ABL1: variants seen among roughly 807,000 people sequenced by gnomAD.
The protein encoded by ABL1 is tyrosine-protein kinase ABL1.
A neutral mutation model predicts 94.7 loss-of-function variants in ABL1; 11 were observed. The ratio of observed to expected loss-of-function variants is 0.12; its 90% confidence interval spans 0.07 to 0.19. The LOEUF (loss-of-function observed/expected upper bound fraction) is 0.19, where lower values mean the gene tolerates loss of function less well. Among genes scored for constraint, ABL1 ranks in the 10% least tolerant of loss-of-function variants. The pLI, the probability that ABL1 is intolerant of heterozygous loss-of-function variation, is 1.00. For synonymous variants in ABL1, 656 were observed against 622.4 expected (o/e 1.05, Z -0.80); for missense variants, 1,082 against 1,489.4 (o/e 0.73, Z 4.50).
intron 1 of ABL1, among the ~76,000 whole-genome samples, chr9:130,729,702 G>A (rs1831636739): frequency 6.6e-6 from 1 of 151,728 alleles, no homozygotes; most frequent in African/African-American, 2.4e-5. Flanking sequence ...CACTTTTACT[G>A]CATTATGGAC....
At chr9:130,845,985 T>TC (rs1478110451) in intron 1 of ABL1, among the ~76,000 whole-genome samples, 1 of 152,080 alleles carries the variant, frequency 6.6e-6, no homozygotes, top group Non-Finnish European at 1.5e-5. Flanking sequence ...TTTACGTCTT[T>TC]CCCCCACTGC....
chr9:130,797,111 C>T (rs1348388827), intron 1 of ABL1, among the ~76,000 whole-genome samples: 1 of 151,002 alleles, frequency 6.6e-6, no homozygotes, highest in Admixed American at 6.6e-5. Context: ...TGGCAAGCGC[C>T]TGTAATCCCA....
chr9:130,848,419 G>A (rs896645332), intron 1 of ABL1, among the ~76,000 whole-genome samples: 5 of 150,302 alleles, frequency 3.3e-5, no homozygotes, highest in Admixed American at 6.6e-5. Context: ...TCAGGAGGCT[G>A]AGGCAGGAGA....
rs34885770 is a variant in ABL1, at chr9:130,824,199, A to G, written c.137-29865A>G. Among the ~76,000 whole-genome samples the G allele has an allele frequency of 2.5e-3, 380 of 152,308 alleles. 2 individuals carry two copies. Among genetic ancestry groups the G allele is most frequent in the African/African-American group, 8.9e-3 (371 of 41,560 alleles). ...TCTGCTCTCTGCCAGATGGAGACCC[A>G]GGAAAGCTGCTGGTGTAGTTTGAAG... On this transcript the variant is annotated intron_variant, in intron 1 of 10. Coordinates refer to the ABL1 transcript ENST00000372348.
At chr9:130,778,019 T>G (rs1829691535) in intron 1 of ABL1, among the ~76,000 whole-genome samples, 1 of 130,090 alleles carries the variant, frequency 7.7e-6, no homozygotes. Context: ...ATTAGTACTT[T>G]CTAGACTGTG....
intron 1 of ABL1, among the ~76,000 whole-genome samples, chr9:130,803,197 G>T (rs548064153): frequency 6.6e-6 from 1 of 152,112 alleles, no homozygotes; most frequent in East Asian, 1.9e-4. Context: ...GCACCACCAC[G>T]CCCGGCTAAT....
intron 1 of ABL1, among the ~76,000 whole-genome samples, chr9:130,761,387 A>G (rs1451895053): frequency 6.6e-6 from 1 of 152,134 alleles, no homozygotes; most frequent in African/African-American, 2.4e-5. Flanking sequence ...CTTAGTCTGT[A>G]AACCTTCCAG....
At chr9:130,822,357 C>T (rs565139474) in intron 1 of ABL1, among the ~76,000 whole-genome samples, 31 of 152,244 alleles carry the variant, frequency 2.0e-4, no homozygotes, top group African/African-American at 7.2e-4. Flanking sequence ...ATTTACATTC[C>T]CACCAGCAAT....
intron 1 of ABL1, among the ~76,000 whole-genome samples, chr9:130,790,359 C>A (rs1328876318): frequency 6.6e-6 from 1 of 152,232 alleles, no homozygotes; most frequent in Non-Finnish European, 1.5e-5. Context: ...GTACATACTT[C>A]AGCCTGCATA....
At position 130,812,478 on chromosome 9, in the gene ABL1, C is replaced by A. The variant is rs1293622942; in HGVS notation, c.137-41586C>A. ...CACTTTGAATATAAAAATACAAATA[C>A]GTTAAAAGCAAAAGAGTGGAAAAAG... On this transcript the variant is annotated intron_variant, in intron 1 of 10. Coordinates refer to the ABL1 transcript ENST00000372348. Among the ~76,000 whole-genome samples the A allele has an allele frequency of 2.0e-5, 3 of 151,828 alleles. No individual in the cohort carries two copies. In the East Asian group the frequency reaches 5.8e-4, roughly 29 times the overall value.
intron 1 of ABL1, among the ~76,000 whole-genome samples, chr9:130,742,757 AAT>A (rs1193688005): frequency 3.9e-5 from 6 of 152,182 alleles, no homozygotes; most frequent in Non-Finnish European, 8.8e-5. Context: ...TGAGCAAACA[AAT>A]ATGTGTGTAT....
intron 1 of ABL1, among the ~76,000 whole-genome samples, chr9:130,840,433 C>T (rs902699061): frequency 1.3e-5 from 2 of 152,132 alleles, no homozygotes; most frequent in African/African-American, 2.4e-5. Context: ...AATCTGGTGC[C>T]ACTTACCACC....
chr9:130,745,821 A>T (rs1458947084), intron 1 of ABL1, among the ~76,000 whole-genome samples: 1 of 152,130 alleles, frequency 6.6e-6, no homozygotes, highest in Non-Finnish European at 1.5e-5. Context: ...TCAGAAGAGT[A>T]GAATGTACCC....
chr9:130,840,351 T>C (rs577129826), intron 1 of ABL1, among the ~76,000 whole-genome samples: 1 of 152,368 alleles, frequency 6.6e-6, no homozygotes, highest in Admixed American at 6.5e-5. Context: ...AAATTCCCAT[T>C]GGCTCATGGT....
chr9:130,768,198 C>A (rs552465690), intron 1 of ABL1, among the ~76,000 whole-genome samples: 1 of 152,274 alleles, frequency 6.6e-6, no homozygotes, highest in East Asian at 1.9e-4. Context: ...TTAGAGCTTG[C>A]AGCCTCTGCT....
At chr9:130,868,219 A>G (rs975981214) in intron 4 of ABL1, among the ~76,000 whole-genome samples, 4 of 152,062 alleles carry the variant, frequency 2.6e-5, no homozygotes, top group African/African-American at 9.7e-5. Flanking sequence ...CGGCCTCCCA[A>G]AGTGCTGGGA....
Position 130,875,502 on chromosome 9 carries a change from T to G in ABL1, c.1270+450T>G, listed in dbSNP as rs574782490. Among the ~76,000 whole-genome samples the G allele has an allele frequency of 3.3e-5, 5 of 151,948 alleles. No homozygotes were observed. The South Asian group carries it at 1.0e-3, about 32-fold the overall frequency. ...CCTGAGGTCCAAATATGGTGCACAGTGTATCTGCTGATCTGTTAAGTCTCC... is the reference window on the plus strand; with the variant it reads ...CCTGAGGTCCAAATATGGTGCACAGGGTATCTGCTGATCTGTTAAGTCTCC... On this transcript the variant is annotated intron_variant, in intron 7 of 10. Transcript: ENST00000318560.
intron 1 of ABL1, among the ~76,000 whole-genome samples, chr9:130,728,255 A>G (rs1320785172): frequency 4.2e-5 from 3 of 71,458 alleles, no homozygotes; most frequent in African/African-American, 1.7e-4. Context: ...TTTTGTGGAG[A>G]CGGGGTTTCA....
At chr9:130,785,437 C>T (rs1251362276) in intron 1 of ABL1, among the ~76,000 whole-genome samples, 2 of 152,172 alleles carry the variant, frequency 1.3e-5, no homozygotes, top group African/African-American at 4.8e-5. Context: ...TCCTGTGGAG[C>T]TGTGCCCTTT....
Sources: allele counts gnomAD v4.1 joint callset (sites outside exome capture counted in the v4.1 genomes callset), GRCh38; gene constraint gnomAD v4.1.1; transcripts MANE v1.5; gene names NCBI Gene and HGNC (gene_info 2026-07-23, HGNC 2026-07-21).